The following RAD51B variants were observed in gnomAD, a reference collection of about 807,000 sequenced individuals.
The protein encoded by RAD51B is DNA repair protein RAD51 homolog 2.
A neutral mutation model predicts 42.2 loss-of-function variants in RAD51B; 38 were observed. The observed-to-expected ratio is 0.90, with a 90% CI of 0.70 to 1.18. The LOEUF is 1.18. Among genes scored for constraint, RAD51B ranks in the 50% most tolerant of loss-of-function variants. The pLI, the probability that RAD51B is intolerant of heterozygous loss-of-function variation, is 0.00. For missense variants in RAD51B, 373 were observed against 400.7 expected (o/e 0.93, Z 0.59); for synonymous variants, 154 against 145.2 (o/e 1.06, Z -0.43).
At chr14:68,594,383 C>T in intron 10 of RAD51B, 5 of 1,136,444 alleles carry the variant, frequency 4.4e-6, no homozygotes, top group Non-Finnish European at 5.9e-6. Flanking sequence ...CTTGAACTCT[C>T]CATCAGGTCT....
intron 7 of RAD51B, among the ~76,000 whole-genome samples, chr14:68,287,336 G>A (rs1345879088): frequency 6.6e-6 from 1 of 152,186 alleles, no homozygotes; most frequent in Non-Finnish European, 1.5e-5. Context: ...ACAGTTAAGA[G>A]GGCAATGCAA....
intron 7 of RAD51B, among the ~76,000 whole-genome samples, chr14:68,220,057 A>C (rs2079893928): frequency 6.6e-6 from 1 of 152,178 alleles, no homozygotes; most frequent in Non-Finnish European, 1.5e-5. Context: ...TCCCAGCAAT[A>C]GAATCAAACA....
At chr14:67,844,022 G>A (rs926957990) in intron 4 of RAD51B, among the ~76,000 whole-genome samples, 2 of 152,038 alleles carry the variant, frequency 1.3e-5, no homozygotes, top group African/African-American at 4.8e-5. Context: ...TGTTGTAGCT[G>A]TGTCCCAGAG....
At chr14:68,563,737 G>A in intron 10 of RAD51B, 1 of 985,390 alleles carries the variant, frequency 1.0e-6, no homozygotes, top group Non-Finnish European at 1.2e-6. Flanking sequence ...AAGAGGGAGA[G>A]GTGGTGGGGA....
intron 7 of RAD51B, among the ~76,000 whole-genome samples, chr14:67,963,499 C>T (rs1261887352): frequency 6.6e-6 from 1 of 152,056 alleles, no homozygotes. Context: ...TGAATAAATA[C>T]TTACGCAGTT....
chr14:68,302,793 C>T (rs138206608), intron 8 of RAD51B, among the ~76,000 whole-genome samples: 2,207 of 152,302 alleles, frequency 0.014, 47 homozygotes, highest in African/African-American at 0.05. Context: ...AGGAGCATAT[C>T]CTTAAGGCAC....
chr14:68,222,683 AT>A lies in RAD51B; in HGVS notation c.757-69200del, dbSNP rs545788332. Among the ~76,000 whole-genome samples, 12 of 152,336 alleles carry A rather than the reference AT, an allele frequency of 7.9e-5. No individual in the cohort carries two copies. The South Asian group carries it at 1.7e-3, about 21-fold the overall frequency. On this transcript the variant is annotated intron_variant, in intron 7 of 10. Transcript: ENST00000471583. ...CCAAAAACCTATTGAAATAAAAAAA[AT>A]AAATTAATAAATTAATGTTTGTGTT...
At chr14:68,163,552 A>G (rs2078689172) in intron 7 of RAD51B, among the ~76,000 whole-genome samples, 1 of 149,898 alleles carries the variant, frequency 6.7e-6, no homozygotes, top group South Asian at 2.1e-4. Context: ...TGCTTTTTCT[A>G]TTTCTTCTAT....
intron 7 of RAD51B, among the ~76,000 whole-genome samples, chr14:68,118,601 A>T (rs1237367774): frequency 1.3e-5 from 2 of 152,240 alleles, no homozygotes; most frequent in African/African-American, 2.4e-5. Flanking sequence ...GAAGGGTAAG[A>T]TGTGCTTGGG....
At chr14:68,559,171 A>G (rs998463452) in intron 10 of RAD51B, among the ~76,000 whole-genome samples, 4 of 151,888 alleles carry the variant, frequency 2.6e-5, no homozygotes, top group Non-Finnish European at 5.9e-5. Context: ...GTGTCTATAG[A>G]GACAAATACC....
At chr14:67,897,361 TA>T (rs2043455533) in intron 7 of RAD51B, among the ~76,000 whole-genome samples, 2 of 152,252 alleles carry the variant, frequency 1.3e-5, no homozygotes, top group South Asian at 2.1e-4. Flanking sequence ...AAAGGGTTAA[TA>T]TCCAAAATAT....
intron 7 of RAD51B, among the ~76,000 whole-genome samples, chr14:68,176,664 T>C (rs1358712011): frequency 6.6e-6 from 1 of 152,196 alleles, no homozygotes; most frequent in Non-Finnish European, 1.5e-5. Context: ...ATCTACAGCA[T>C]TAATATTTTA....
intron 10 of RAD51B, among the ~76,000 whole-genome samples, chr14:68,609,473 C>T (rs1891586867): frequency 6.6e-6 from 1 of 152,198 alleles, no homozygotes; most frequent in South Asian, 2.1e-4. Flanking sequence ...CACCACCACC[C>T]TTCCTTCCCT....
chr14:68,156,851 G>T (rs1160879772), intron 7 of RAD51B, among the ~76,000 whole-genome samples: 1 of 151,750 alleles, frequency 6.6e-6, no homozygotes, highest in Non-Finnish European at 1.5e-5. Flanking sequence ...TGGTATTATG[G>T]GTCACCTGGT....
intron 11 of RAD51B, among the ~76,000 whole-genome samples, chr14:68,670,364 C>T (rs568598501): frequency 6.6e-6 from 1 of 152,132 alleles, no homozygotes; most frequent in East Asian, 1.9e-4. Context: ...AAGTGCCCCC[C>T]GGCCCACCCC....
intron 10 of RAD51B, among the ~76,000 whole-genome samples, chr14:68,501,009 C>A (rs555561553): frequency 3.3e-5 from 5 of 152,320 alleles, no homozygotes; most frequent in African/African-American, 1.2e-4. Flanking sequence ...GTGCCTCTCA[C>A]AGTCATGTTT....
chr14:68,326,779 A>T (rs2082259916), intron 8 of RAD51B, among the ~76,000 whole-genome samples: 1 of 152,176 alleles, frequency 6.6e-6, no homozygotes, highest in South Asian at 2.1e-4. Flanking sequence ...CAGGAAAGAG[A>T]TGGTGCACTT....
At chr14:68,045,204 C>G (rs1378090968) in intron 7 of RAD51B, among the ~76,000 whole-genome samples, 1 of 134,926 alleles carries the variant, frequency 7.4e-6, no homozygotes, top group Non-Finnish European at 1.5e-5. Flanking sequence ...CCATTGCACT[C>G]CAGCCTGGGC....
At chr14:68,562,439 T>G in intron 10 of RAD51B, 1 of 982,738 alleles carries the variant, frequency 1.0e-6, no homozygotes, top group Non-Finnish European at 1.2e-6. Flanking sequence ...AACCCTGCCT[T>G]TGCCATGTCA....
Sources: gnomAD v4.1 joint callset for allele counts (sites outside exome capture counted in the v4.1 genomes callset) on GRCh38, gnomAD v4.1.1 for gene constraint, MANE v1.5 for transcripts, NCBI Gene and HGNC (gene_info 2026-07-23, HGNC 2026-07-21) for gene names.